Variants in ASAH2B observed in about 807,000 individuals in gnomAD.
ASAH2B encodes N-acylsphingosine amidohydrolase 2B, also known as putative inactive neutral ceramidase B.
In ASAH2B, 1 loss-of-function variant was observed where a neutral mutation model predicts 2.9. That is an observed-to-expected ratio of 0.34 (90% CI 0.12 to 1.63). The LOEUF is 1.63. ASAH2B is among the 40% of genes most tolerant of loss of function. The pLI is 0.36. For synonymous variants in ASAH2B, 4 were observed against 13.3 expected (o/e 0.30, Z 1.52); for missense variants, 9 against 37.7 (o/e 0.24, Z 1.99).
At position 50,756,855 on chromosome 10, in the gene ASAH2B, T is replaced by C. The variant is rs1837103326; in HGVS notation, c.*2115T>C. 6.6e-6 allele frequency: 1 copy of C among 151,710 alleles called. No individual in the cohort carries two copies. The highest frequency in any genetic ancestry group is 1.5e-5 in the Non-Finnish European group (1 of 67,754). 9.4% of individuals were successfully genotyped at this position (151,710 alleles called of 1,614,324 possible). ...AAGTAATTGAACTTATCTGTTGATA[T>C]AAAAACACAGATCCAATTCGTGTCT... On this transcript the variant is annotated 3_prime_UTR_variant, in exon 6 of 6. Coordinates refer to ENST00000647317, the MANE Select transcript of ASAH2B (RefSeq NM_001321958.2).
chr10:50,742,843 T>C (rs2820740), intron 1 of ASAH2B, 72 bp from the exon 2 acceptor site: 35 of 1,513,444 alleles, frequency 2.3e-5, no homozygotes, highest in Admixed American at 5.0e-5. Flanking sequence ...CACACTTACC[T>C]AAAATGCTAC....
In ASAH2B at chr10:50,758,954, G is replaced by A. The variant is rs954309190; in HGVS notation, c.*4214G>A. 2 of 151,814 alleles carry A rather than the reference G, an allele frequency of 1.3e-5. No individual in the cohort carries two copies. Among genetic ancestry groups the A allele is most frequent in the African/African-American group, 4.8e-5 (2 of 41,424 alleles). 9.4% of individuals were successfully genotyped at this position (151,814 alleles called of 1,614,324 possible). ...ATAACATATAAGCTAAGACTTAAAA[G>A]ATATGTAGAAATTAGCTAGAAGGAA... is the stretch of plus-strand genomic sequence containing the variant. On this transcript the variant is annotated 3_prime_UTR_variant, in exon 6 of 6. Coordinates refer to ENST00000647317, the MANE Select transcript of ASAH2B (RefSeq NM_001321958.2).
At position 50,758,899 on chromosome 10, in the gene ASAH2B, G is replaced by GAGA. The variant is rs1276477405; in HGVS notation, c.*4159_*4160insAGA. The GAGA allele has an allele frequency of 2.0e-5, 3 of 151,888 alleles. No homozygotes were observed. Among genetic ancestry groups the GAGA allele is most frequent in the Non-Finnish European group, 4.4e-5 (3 of 67,882 alleles). 9.4% of individuals were successfully genotyped at this position (151,888 alleles called of 1,614,324 possible). ...TAGAGAGGGCACCTAATATGGTCTT[G>GAGA]GGGATGTTTCAGTAAGTTTCCTGGA... is the stretch of plus-strand genomic sequence containing the variant. On this transcript the variant is annotated 3_prime_UTR_variant, in exon 6 of 6. Transcript: ENST00000647317.
chr10:50,740,645 T>A (rs549856182), intron 1 of ASAH2B, among the ~76,000 whole-genome samples: 1 of 152,192 alleles, frequency 6.6e-6, no homozygotes, highest in Non-Finnish European at 1.5e-5. Flanking sequence ...ACATCATAGA[T>A]AGACCAAACA....
In ASAH2B at chr10:50,757,152, A is replaced by T. The variant is rs1837113031; in HGVS notation, c.*2412A>T. The T allele has an allele frequency of 6.6e-6, 1 of 151,574 alleles. No homozygotes were observed. 9.4% of individuals were successfully genotyped at this position (151,574 alleles called of 1,614,324 possible). On this transcript the variant is annotated 3_prime_UTR_variant, in exon 6 of 6. Transcript: ENST00000647317. ...GTGTAAAATTGTCAATATTCAATGG[A>T]TTATTTAATAATAAATTAAGAATTA...
At chr10:50,741,275 G>GAACCATATA (rs1839827446) in intron 1 of ASAH2B, among the ~76,000 whole-genome samples, 1 of 152,130 alleles carries the variant, frequency 6.6e-6, no homozygotes, top group Non-Finnish European at 1.5e-5. Context: ...ATATACTCCG[G>GAACCATATA]CAAGTATTGC....
At chr10:50,748,830 C>G (rs1457434784) in intron 3 of ASAH2B, among the ~76,000 whole-genome samples, 1 of 151,236 alleles carries the variant, frequency 6.6e-6, no homozygotes, top group African/African-American at 2.5e-5. Flanking sequence ...TCAAATATCA[C>G]TGTCTTTCTT....
At chr10:50,740,519 C>T (rs1331940554) in intron 1 of ASAH2B, among the ~76,000 whole-genome samples, 1 of 152,170 alleles carries the variant, frequency 6.6e-6, no homozygotes, top group Non-Finnish European at 1.5e-5. Flanking sequence ...CTTCTGTGCT[C>T]CAGTAGCACC....
At chr10:50,751,640 A>G (rs1251627609) in intron 4 of ASAH2B, among the ~76,000 whole-genome samples, 3 of 151,632 alleles carry the variant, frequency 2.0e-5, no homozygotes, top group Non-Finnish European at 4.4e-5. Flanking sequence ...CATGGCCCAC[A>G]TGTAAATAGG....
intron 3 of ASAH2B, among the ~76,000 whole-genome samples, chr10:50,746,804 G>A (rs2820757): frequency 6.0e-5 from 9 of 151,220 alleles, no homozygotes; most frequent in Non-Finnish European, 1.0e-4. Context: ...TGTCTTCTTT[G>A]GAGAAATGTT....
In ASAH2B at chr10:50,745,210, A is replaced by C. The variant is rs1434321800; in HGVS notation, c.80A>C (p.Asp27Ala). The C allele has an allele frequency of 3.1e-5, 19 of 609,610 alleles. No individual in the cohort carries two copies. The highest frequency in any genetic ancestry group is 4.8e-5 in the Non-Finnish European group (18 of 377,888). The allele number at this position is 609,610 out of a possible 1,614,324, so 37.8% of individuals were successfully genotyped here. Residue 27 changes from aspartate (D) to alanine (A), a missense_variant, in exon 3 of 6, where the codon GAT (aspartate) becomes GCT (alanine). Physicochemically the swap from Asp to Ala is moderately radical, Grantham distance 126. Coordinates refer to ENST00000647317, the MANE Select transcript of ASAH2B (RefSeq NM_001321958.2). ...LIVPLIPSIV[D>A]RAPKGRTFGD... ...GTTCCATTAATTCCTAGTATTGTGG[A>C]TAGAGCACCAAAAGGCAGAACTTTC...
intron 1 of ASAH2B, among the ~76,000 whole-genome samples, chr10:50,740,661 T>C (rs1392525017): frequency 1.3e-5 from 2 of 152,196 alleles, no homozygotes; most frequent in Non-Finnish European, 2.9e-5. Flanking sequence ...AAACATTTAT[T>C]AAACGGAATT....
chr10:50,740,482 G>T (rs1839813292), intron 1 of ASAH2B, among the ~76,000 whole-genome samples: 1 of 152,128 alleles, frequency 6.6e-6, no homozygotes, highest in African/African-American at 2.4e-5. Flanking sequence ...CGCTCGTGTT[G>T]TGTGTCTGTG....
intron 3 of ASAH2B, among the ~76,000 whole-genome samples, chr10:50,748,394 GC>G (rs888024730): frequency 1.0e-3 from 152 of 147,234 alleles, no homozygotes; most frequent in African/African-American, 3.8e-3. Flanking sequence ...TTCATCTTGA[GC>G]AAATCCCTTC....
intron 1 of ASAH2B, among the ~76,000 whole-genome samples, chr10:50,741,798 G>C (rs1168263355): frequency 6.6e-6 from 1 of 152,008 alleles, no homozygotes; most frequent in East Asian, 1.9e-4. Flanking sequence ...GGCTTTGGGG[G>C]AACTGCAGTA....
In ASAH2B at chr10:50,756,843, T is replaced by TA. The variant is rs1837102922; in HGVS notation, c.*2104dup. The stretch of plus-strand genomic sequence containing the variant: ...AAGAATATCATGAAGTAATTGAACT[T>TA]ATCTGTTGATATAAAAACACAGATC... On this transcript the variant is annotated 3_prime_UTR_variant, in exon 6 of 6. Coordinates refer to ENST00000647317, the MANE Select transcript of ASAH2B (RefSeq NM_001321958.2). 1 of 151,708 alleles carries TA rather than the reference T, an allele frequency of 6.6e-6. No homozygotes were observed. Among genetic ancestry groups the TA allele is most frequent in the African/African-American group, 2.4e-5 (1 of 41,382 alleles). 9.4% of individuals were successfully genotyped at this position (151,708 alleles called of 1,614,324 possible). A position where few individuals can be genotyped will look rare whatever the true frequency, so the allele number is the denominator to read the frequency against.
chr10:50,748,971 AAATAT>A (rs1242490535), intron 3 of ASAH2B, among the ~76,000 whole-genome samples: 2 of 151,984 alleles, frequency 1.3e-5, no homozygotes, highest in Non-Finnish European at 1.5e-5. Context: ...ATGTAAGCAT[AAATAT>A]GAGTCATCTG....
In ASAH2B at chr10:50,745,262, T is replaced by C; in HGVS notation, c.132T>C (p.Pro44=). The C allele has an allele frequency of 1.8e-6, 1 of 554,586 alleles. No individual in the cohort carries two copies. The allele number at this position is 554,586 out of a possible 1,614,324, so 34.4% of individuals were successfully genotyped here. ...TFGDVLQPAK[P]EYRVGEVAEV... is the part of the protein sequence containing the mutation. Reference sequence around the variant, plus strand: ...GGGATGTCCTGCAGCCAGCAAAACCTGAATACAGAGTGGTAAGACTCATGA... The same window carrying C: ...GGGATGTCCTGCAGCCAGCAAAACCCGAATACAGAGTGGTAAGACTCATGA... Residue 44 remains proline, a synonymous_variant, in exon 3 of 6, where the codon CCT becomes CCC. Transcript: ENST00000647317.
At chr10:50,748,748 C>T (rs113678283) in intron 3 of ASAH2B, among the ~76,000 whole-genome samples, 1,612 of 150,154 alleles carry the variant, frequency 0.011, 133 homozygotes, top group African/African-American at 0.039. Context: ...CCTGAATTCT[C>T]CTTCTGCCGT....
Sources: allele counts gnomAD v4.1 joint callset (sites outside exome capture counted in the v4.1 genomes callset), GRCh38; gene constraint gnomAD v4.1.1; transcripts MANE v1.5; gene names NCBI Gene and HGNC (gene_info 2026-07-23, HGNC 2026-07-21).